The following OTOA variants were observed in gnomAD, a reference collection of about 807,000 sequenced individuals.
The protein encoded by OTOA is cancer/testis antigen 108.
A neutral mutation model predicts 110.8 loss-of-function variants in OTOA; 70 were observed. The ratio of observed to expected loss-of-function variants is 0.63; its 90% CI spans 0.52 to 0.77. OTOA has a LOEUF of 0.77. OTOA is among the 30% of genes least tolerant of loss of function. The probability of loss-of-function intolerance (pLI) is 0.00; values close to 1 mark genes in which losing one functional copy is unlikely to be tolerated. For synonymous variants in OTOA, 373 were observed against 431.5 expected (o/e 0.86, Z 1.68); for missense variants, 917 against 1,075.8 (o/e 0.85, Z 2.06).
chr16:21,680,538 G>C (rs1486348005), intron 5 of OTOA, among the ~76,000 whole-genome samples: 1 of 149,252 alleles, frequency 6.7e-6, no homozygotes, highest in Admixed American at 6.7e-5. Context: ...AACAAACAAA[G>C]AAGCAAACGT....
chr16:21,675,872 C>T (rs1966856728), intron 1 of OTOA, among the ~76,000 whole-genome samples: 2 of 152,186 alleles, frequency 1.3e-5, no homozygotes, highest in African/African-American at 4.8e-5. Context: ...GGATTTTTCT[C>T]CTGATAATCA....
chr16:21,730,611 C>T, intron 20 of OTOA: 1 of 483,574 alleles, frequency 2.1e-6, no homozygotes, highest in South Asian at 2.1e-5. Flanking sequence ...GCCAGAGATA[C>T]CAGAGAAAGG....
rs373627544 is a variant in OTOA at position 21,665,708 on chromosome 16, G to T, written c.-5+1476G>T. ...TGAATCCAAAGCCATTTGTTCTCCGGAGACTTAGGAGAGAAGAAGGGGAAT... is the reference window on the plus strand; with the variant it reads ...TGAATCCAAAGCCATTTGTTCTCCGTAGACTTAGGAGAGAAGAAGGGGAAT... On this transcript the variant is annotated intron_variant, in intron 1 of 28. Coordinates refer to ENST00000646100, the MANE Select transcript of OTOA (RefSeq NM_144672.4). Among the ~76,000 whole-genome samples, 20 of 152,172 alleles carry T rather than the reference G, an allele frequency of 1.3e-4. No individual in the cohort carries two copies. In the East Asian group the frequency reaches 2.9e-3, roughly 22 times the overall value.
At chr16:21,675,053 TTTTC>T (rs1203820212) in intron 1 of OTOA, among the ~76,000 whole-genome samples, 27 of 142,776 alleles carry the variant, frequency 1.9e-4, no homozygotes, top group African/African-American at 6.7e-4. Flanking sequence ...TGAGGTCATG[TTTTC>T]TTTCTGTCTT....
intron 14 of OTOA, 46 bp from the exon 15 acceptor site, chr16:21,716,861 A>G (rs1472373727): frequency 1.2e-6 from 2 of 1,611,622 alleles, no homozygotes; most frequent in Admixed American, 1.7e-5. Flanking sequence ...CTCAAAGCTC[A>G]ATGCATTTTT....
intron 7 of OTOA, among the ~76,000 whole-genome samples, chr16:21,685,830 AG>A (rs1285848288): frequency 6.6e-6 from 1 of 152,136 alleles, no homozygotes; most frequent in African/African-American, 2.4e-5. Flanking sequence ...CTGGGATTAC[AG>A]GTGTGAGCCA....
intron 19 of OTOA, 138 bp from the exon 20 acceptor site, chr16:21,728,103 G>A (rs2141718876): frequency 9.5e-7 from 1 of 1,050,104 alleles, no homozygotes; most frequent in South Asian, 1.3e-5. Context: ...GGCCTCAAAT[G>A]ATCTGTCTGC....
Position 21,678,683 on chromosome 16 carries a change from C to T in OTOA, c.91+78C>T. 4 of 1,340,124 alleles carry T rather than the reference C, an allele frequency of 3.0e-6. No individual in the cohort carries two copies. The Admixed American group carries it at 6.8e-5, about 23-fold the overall frequency. 83.0% of individuals were successfully genotyped at this position (1,340,124 alleles called of 1,614,324 possible). A position where few individuals can be genotyped will look rare whatever the true frequency, so the allele number is the denominator to read the frequency against. Reference sequence around the variant, plus strand: ...TGAGGTGGGATAGATACATTAGGTACATGATGCTGTAAGTTGTTTTTGGGC... The same window carrying T: ...TGAGGTGGGATAGATACATTAGGTATATGATGCTGTAAGTTGTTTTTGGGC... On this transcript the variant is annotated intron_variant, in intron 2 of 28. Transcript: ENST00000646100.
chr16:21,685,207 C>CTCT lies in OTOA; in HGVS notation c.268-22_268-20dup, dbSNP rs1221894106. The CTCT allele has an allele frequency of 3.7e-6, 6 of 1,610,014 alleles. No individual in the cohort carries two copies. In the East Asian group the frequency reaches 1.3e-4, roughly 36 times the overall value. ...CTCCTGCTCTTTCTGTTCTCACCGA[C>CTCT]TCTCCCAACACCCCAAATACAGGCA... On this transcript the variant is annotated intron_variant, in intron 6 of 28. Coordinates refer to ENST00000646100, the MANE Select transcript of OTOA (RefSeq NM_144672.4).
At chr16:21,679,748 C>T (rs1011131983) in intron 5 of OTOA, among the ~76,000 whole-genome samples, 1 of 152,038 alleles carries the variant, frequency 6.6e-6, no homozygotes, top group African/African-American at 2.4e-5. Context: ...AGTGGGTATT[C>T]TACTAAGCGC....
At chr16:21,726,797 A>G (rs1898932497) in intron 19 of OTOA, 139 bp downstream of exon 19, 5 of 1,249,026 alleles carry the variant, frequency 4.0e-6, no homozygotes, top group East Asian at 4.7e-5. Context: ...AGCTTACTCT[A>G]AAGTTGCTGG....
At chr16:21,685,887 G>A (rs1279269584) in intron 7 of OTOA, among the ~76,000 whole-genome samples, 2 of 152,042 alleles carry the variant, frequency 1.3e-5, no homozygotes, top group African/African-American at 2.4e-5. Context: ...AAGAAATGAC[G>A]GGTCCTAATT....
intron 10 of OTOA, 65 bp downstream of exon 10, chr16:21,697,940 A>C: frequency 1.2e-5 from 16 of 1,378,872 alleles, no homozygotes; most frequent in Non-Finnish European, 1.7e-5. Context: ...GTGTATTCTC[A>C]AACTCTAATG....
chr16:21,715,176 C>G, intron 14 of OTOA, 24 bp downstream of exon 14: 1 of 1,613,974 alleles, frequency 6.2e-7, no homozygotes, highest in Non-Finnish European at 8.5e-7. Context: ...GTCTGGTGCT[C>G]AGCCACATGT....
At chr16:21,710,165 C>A in intron 13 of OTOA, 62 bp downstream of exon 13, 2 of 1,428,606 alleles carry the variant, frequency 1.4e-6, no homozygotes, top group Non-Finnish European at 9.7e-7. Flanking sequence ...ATTAGACCTG[C>A]CAGGCTGCCA....
intron 5 of OTOA, among the ~76,000 whole-genome samples, chr16:21,680,266 G>C (rs58398187): frequency 0.2 from 30,759 of 151,856 alleles, 4,689 homozygotes; most frequent in East Asian, 0.42. Flanking sequence ...ATAATTCCAG[G>C]ACTTTGAGAG....
chr16:21,707,625 C>A (rs1898215013), intron 12 of OTOA, among the ~76,000 whole-genome samples: 1 of 95,492 alleles, frequency 1.0e-5, no homozygotes, highest in East Asian at 2.9e-4. Flanking sequence ...TTCTTTCTTT[C>A]TTTCTTTCTT....
chr16:21,685,204 C>G, intron 6 of OTOA, 26 bp from the exon 7 acceptor site: 1 of 1,608,932 alleles, frequency 6.2e-7, no homozygotes, highest in Non-Finnish European at 8.5e-7. Flanking sequence ...CTGTTCTCAC[C>G]GACTCTCCCA....
intron 18 of OTOA, among the ~76,000 whole-genome samples, chr16:21,723,655 A>G (rs1898830429): frequency 6.6e-6 from 1 of 152,148 alleles, no homozygotes; most frequent in East Asian, 1.9e-4. Context: ...TATGCAATAA[A>G]AGGGAATTTT....
Sources: gnomAD v4.1 joint callset for allele counts (sites outside exome capture counted in the v4.1 genomes callset) on GRCh38, gnomAD v4.1.1 for gene constraint, MANE v1.5 for transcripts, NCBI Gene and HGNC (gene_info 2026-07-23, HGNC 2026-07-21) for gene names.